Variants in GPC5 observed in about 807,000 individuals in gnomAD.
The protein encoded by GPC5 is glypican 5, also known as glypican-5.
In GPC5, 47 loss-of-function variants were observed where a neutral mutation model predicts 53.9. That is an observed-to-expected ratio of 0.87 (90% CI 0.69 to 1.11). The LOEUF is 1.11. GPC5 is among the 50% of genes most tolerant of loss of function. The pLI, the probability that GPC5 is intolerant of heterozygous loss-of-function variation, is 0.00. For missense variants in GPC5, 748 were observed against 713.1 expected (o/e 1.05, Z -0.56); for synonymous variants, 286 against 263.3 (o/e 1.09, Z -0.84).
At chr13:92,324,178 C>T (rs2043234817) in intron 7 of GPC5, among the ~76,000 whole-genome samples, 1 of 151,830 alleles carries the variant, frequency 6.6e-6, no homozygotes, top group Non-Finnish European at 1.5e-5. Flanking sequence ...GAACACACAT[C>T]ATAGTAAAGT....
chr13:92,328,633 G>A (rs889206075), intron 7 of GPC5, among the ~76,000 whole-genome samples: 10 of 152,254 alleles, frequency 6.6e-5, no homozygotes, highest in Non-Finnish European at 1.2e-4. Flanking sequence ...CCGACTAGGA[G>A]CAGACTTAGC....
intron 7 of GPC5, among the ~76,000 whole-genome samples, chr13:92,365,505 A>G (rs1171431933): frequency 6.6e-6 from 1 of 151,636 alleles, no homozygotes; most frequent in Non-Finnish European, 1.5e-5. Flanking sequence ...AGTTTACTCT[A>G]CCATTTTTAC....
intron 7 of GPC5, among the ~76,000 whole-genome samples, chr13:92,193,124 G>A (rs530194572): frequency 1.3e-5 from 2 of 152,192 alleles, no homozygotes; most frequent in Admixed American, 6.5e-5. Flanking sequence ...GCAGTGAGCC[G>A]AGATGGCGCC....
At chr13:92,516,406 T>C (rs1289288282) in intron 7 of GPC5, among the ~76,000 whole-genome samples, 1 of 152,180 alleles carries the variant, frequency 6.6e-6, no homozygotes, top group Non-Finnish European at 1.5e-5. Flanking sequence ...GTAGACCCAC[T>C]AATGCACTTG....
At chr13:91,805,600 CTTTAA>C (rs564763927) in intron 5 of GPC5, among the ~76,000 whole-genome samples, 17 of 152,100 alleles carry the variant, frequency 1.1e-4, no homozygotes, top group African/African-American at 1.7e-4. Context: ...ATAAATGGGA[CTTTAA>C]TTTAAAGTGC....
intron 5 of GPC5, among the ~76,000 whole-genome samples, chr13:91,860,564 C>T (rs1296606207): frequency 1.4e-5 from 2 of 142,472 alleles, no homozygotes; most frequent in African/African-American, 2.7e-5. Flanking sequence ...CTCTGGAGTG[C>T]ATTGGCGTGA....
chr13:92,511,374 A>G (rs1041158283), intron 7 of GPC5, among the ~76,000 whole-genome samples: 5 of 152,182 alleles, frequency 3.3e-5, no homozygotes, highest in Non-Finnish European at 5.9e-5. Context: ...GCACAAATGT[A>G]TATTTTAATT....
chr13:91,722,255 G>T (rs1266579370), intron 3 of GPC5, among the ~76,000 whole-genome samples: 1 of 152,172 alleles, frequency 6.6e-6, no homozygotes, highest in African/African-American at 2.4e-5. Flanking sequence ...GGACAAATTA[G>T]TCTACAATTA....
intron 7 of GPC5, among the ~76,000 whole-genome samples, chr13:92,593,253 C>G (rs1176539439): frequency 6.6e-6 from 1 of 151,148 alleles, no homozygotes; most frequent in East Asian, 1.9e-4. Context: ...TGCAGGAGTG[C>G]ATGACAGTGG....
chr13:92,215,874 C>T (rs995439663), intron 7 of GPC5, among the ~76,000 whole-genome samples: 2 of 152,156 alleles, frequency 1.3e-5, no homozygotes, highest in Non-Finnish European at 2.9e-5. Flanking sequence ...TTAGCCAGGA[C>T]AGCAGTGGGC....
At chr13:92,040,451 G>A (rs76005733) in intron 6 of GPC5, among the ~76,000 whole-genome samples, 7,487 of 152,236 alleles carry the variant, frequency 0.049, 216 homozygotes, top group Middle Eastern at 0.054. Context: ...GCAGTAAGCC[G>A]GTTAGAAAAT....
intron 6 of GPC5, among the ~76,000 whole-genome samples, chr13:92,052,922 T>C (rs564691970): frequency 8.9e-4 from 136 of 152,260 alleles, no homozygotes; most frequent in Non-Finnish European, 1.5e-3. Flanking sequence ...AAGCAAAAGA[T>C]ACCACCTTCT....
Position 92,190,991 on chromosome 13 carries a change from A to T in GPC5, c.1561+46002A>T, listed in dbSNP as rs570928650. ...TATAAAATACCCACTTTAAAATATA[A>T]AAACACATGTAGATTAAAGCAAAAG... On this transcript the variant is annotated intron_variant, in intron 7 of 7. Transcript: ENST00000377067. Among the ~76,000 whole-genome samples, 15 of 152,302 alleles carry T rather than the reference A, an allele frequency of 9.8e-5. 1 individual carries two copies. The highest frequency in any genetic ancestry group is 8.5e-4 in the Admixed American group (13 of 15,296).
At chr13:92,181,645 G>A (rs1191939788) in intron 7 of GPC5, among the ~76,000 whole-genome samples, 1 of 152,082 alleles carries the variant, frequency 6.6e-6, no homozygotes, top group Non-Finnish European at 1.5e-5. Flanking sequence ...AGCCCTAAAA[G>A]CAACTGAACA....
intron 7 of GPC5, among the ~76,000 whole-genome samples, chr13:92,776,249 T>C (rs1374105744): frequency 6.6e-6 from 1 of 152,134 alleles, no homozygotes. Context: ...TCTTTAAATC[T>C]CAGACTCTCT....
At position 92,368,237 on chromosome 13, in the gene GPC5, C is replaced by T. The variant is rs186048769; in HGVS notation, c.1561+223248C>T. 3.4e-3 allele frequency among the ~76,000 whole-genome samples: 514 copies of T among 151,642 alleles called. 4 individuals carry two copies. The highest frequency in any genetic ancestry group is 0.012 in the African/African-American group (486 of 41,416). ...TGACCTCAAGTGATCCGCCCACCTC[C>T]GCCTCCCAAAGTGCTGGGATTACAG... On this transcript the variant is annotated intron_variant, in intron 7 of 7. Transcript: ENST00000377067.
intron 2 of GPC5, among the ~76,000 whole-genome samples, chr13:91,628,395 A>T (rs2034065617): frequency 1.3e-5 from 2 of 152,056 alleles, no homozygotes; most frequent in African/African-American, 4.8e-5. Flanking sequence ...AGACTATTTC[A>T]AGTGTCATAA....
intron 2 of GPC5, among the ~76,000 whole-genome samples, chr13:91,493,003 A>G (rs1447056601): frequency 2.0e-5 from 3 of 152,102 alleles, no homozygotes; most frequent in African/African-American, 4.8e-5. Context: ...GATTCCTACC[A>G]TCTCTTCACT....
intron 6 of GPC5, among the ~76,000 whole-genome samples, chr13:92,061,694 A>G (rs2041125364): frequency 1.3e-5 from 2 of 152,014 alleles, no homozygotes; most frequent in Admixed American, 1.3e-4. Flanking sequence ...CAGAACAGTC[A>G]TGCTGTCTTG....
Sources: allele counts gnomAD v4.1 joint callset (sites outside exome capture counted in the v4.1 genomes callset), GRCh38; gene constraint gnomAD v4.1.1; transcripts MANE v1.5; gene names NCBI Gene and HGNC (gene_info 2026-07-23, HGNC 2026-07-21).